The following SPECC1 variants were observed in gnomAD, a reference collection of about 807,000 sequenced individuals.
SPECC1 encodes cytospin-B.
In SPECC1, 62 loss-of-function variants were observed where a neutral mutation model predicts 104.1. The observed-to-expected ratio is 0.60, with a 90% CI of 0.49 to 0.74. The LOEUF (loss-of-function observed/expected upper bound fraction) is 0.74, where lower values mean the gene tolerates loss of function less well. Ranked by LOEUF, SPECC1 falls within the 30% of genes least tolerant of loss-of-function variation. The probability of loss-of-function intolerance (pLI) is 0.00; values close to 1 mark genes in which losing one functional copy is unlikely to be tolerated. For synonymous variants in SPECC1, 513 were observed against 501.6 expected, an observed-to-expected ratio of 1.02 and a Z score of -0.30; for missense variants, 1,306 against 1,310.5, an observed-to-expected ratio of 1.00 and a Z score of 0.05.
chr17:20,044,305 A>G (rs2045451083), intron 1 of SPECC1, among the ~76,000 whole-genome samples: 1 of 152,184 alleles, frequency 6.6e-6, no homozygotes, highest in Non-Finnish European at 1.5e-5. Context: ...AGGTAGTGGT[A>G]AAGTATGGGT....
intron 1 of SPECC1, among the ~76,000 whole-genome samples, chr17:20,081,940 C>T (rs1287009055): frequency 6.6e-6 from 1 of 152,200 alleles, no homozygotes; most frequent in East Asian, 1.9e-4. Context: ...GCTGGCCGTT[C>T]AGACTCCTGC....
At chr17:20,258,322 G>T (rs2039906193) in intron 11 of SPECC1, among the ~76,000 whole-genome samples, 1 of 152,156 alleles carries the variant, frequency 6.6e-6, no homozygotes, top group Admixed American at 6.5e-5. Flanking sequence ...AGAGGGAGAG[G>T]ATGGCAAGAC....
intron 3 of SPECC1, among the ~76,000 whole-genome samples, chr17:20,192,361 C>G (rs760158704): frequency 5.3e-5 from 8 of 152,002 alleles, no homozygotes; most frequent in Non-Finnish European, 1.0e-4. Flanking sequence ...CACATATTTT[C>G]TCCCAGCCTG....
intron 3 of SPECC1, among the ~76,000 whole-genome samples, chr17:20,163,063 A>G (rs1240389783): frequency 6.6e-6 from 1 of 152,232 alleles, no homozygotes; most frequent in African/African-American, 2.4e-5. Context: ...GCATACATCA[A>G]ATATCAATGG....
intron 3 of SPECC1, among the ~76,000 whole-genome samples, chr17:20,169,244 C>T (rs540974695): frequency 1.3e-5 from 2 of 152,162 alleles, no homozygotes; most frequent in Non-Finnish European, 2.9e-5. Flanking sequence ...AAGAAGTGTG[C>T]AAGGCCTCTG....
intron 7 of SPECC1, among the ~76,000 whole-genome samples, chr17:20,233,575 T>C (rs2038729284): frequency 6.6e-6 from 1 of 152,238 alleles, no homozygotes; most frequent in Non-Finnish European, 1.5e-5. Context: ...GGTCTCACTA[T>C]GTTGCCCAGG....
At chr17:20,204,235 GCCAC>G in intron 3 of SPECC1, 94 bp from the exon 4 acceptor site, 1 of 1,396,370 alleles carries the variant, frequency 7.2e-7, no homozygotes, top group South Asian at 1.4e-5. Context: ...AAGAGCGACA[GCCAC>G]TGTCCACTGT....
intron 1 of SPECC1, among the ~76,000 whole-genome samples, chr17:20,036,279 G>A (rs970594132): frequency 6.6e-6 from 1 of 152,000 alleles, no homozygotes; most frequent in Non-Finnish European, 1.5e-5. Context: ...ACAGGTGCAC[G>A]CCACCACATC....
intron 1 of SPECC1, among the ~76,000 whole-genome samples, chr17:20,078,227 G>A (rs533707387): frequency 2.0e-5 from 3 of 151,286 alleles, no homozygotes; most frequent in South Asian, 4.2e-4. Flanking sequence ...CGTTTGAGTT[G>A]CATATGCAAA....
chr17:20,047,534 T>C (rs1226777421), intron 1 of SPECC1, among the ~76,000 whole-genome samples: 2 of 152,230 alleles, frequency 1.3e-5, no homozygotes, highest in African/African-American at 4.8e-5. Context: ...TTTCTTTTCC[T>C]GTGCCATTTG....
intron 2 of SPECC1, among the ~76,000 whole-genome samples, chr17:20,099,562 G>C (rs2047826744): frequency 6.7e-6 from 1 of 149,488 alleles, no homozygotes; most frequent in Non-Finnish European, 1.5e-5. Context: ...GGGCGTGGTG[G>C]CATAGTCCTG....
At chr17:20,231,679 C>G (rs1038343499) in intron 5 of SPECC1, 79 bp from the exon 6 acceptor site, 5 of 1,324,218 alleles carry the variant, frequency 3.8e-6, no homozygotes, top group Non-Finnish European at 5.4e-6. Context: ...TGGAGCTGCC[C>G]CTTTCTTTGC....
At chr17:20,071,209 C>T (rs1168503842) in intron 1 of SPECC1, among the ~76,000 whole-genome samples, 3 of 152,146 alleles carry the variant, frequency 2.0e-5, no homozygotes, top group African/African-American at 7.2e-5. Flanking sequence ...CTAAAACAAT[C>T]CATTCTTTAT....
At chr17:20,170,520 A>T (rs1209915957) in intron 3 of SPECC1, among the ~76,000 whole-genome samples, 3 of 151,970 alleles carry the variant, frequency 2.0e-5, no homozygotes, top group African/African-American at 7.3e-5. Context: ...AGCCAGTGGA[A>T]CTCCCAGGGG....
chr17:20,281,529 T>C (rs1408004885), intron 12 of SPECC1, among the ~76,000 whole-genome samples: 1 of 152,190 alleles, frequency 6.6e-6, no homozygotes, highest in African/African-American at 2.4e-5. Context: ...GTGTGGACTC[T>C]ACTCCCAGCC....
Position 20,316,710 on chromosome 17 carries a change from T to G in SPECC1, c.*2645T>G, listed in dbSNP as rs1008185482. ...TTTTGTTGTTGTTTGTTTGTTTTTT[T>G]TTTTGAGACAGAGTCTTGCTCTGTC... On this transcript the variant is annotated 3_prime_UTR_variant, in exon 15 of 15. Transcript: ENST00000395527. 2.2e-4 allele frequency: 42 copies of G among 191,528 alleles called. No individual in the cohort carries two copies. Among genetic ancestry groups the G allele is most frequent in the African/African-American group, 8.4e-4 (36 of 42,838 alleles). 11.9% of individuals were successfully genotyped at this position (191,528 alleles called of 1,614,324 possible).
intron 12 of SPECC1, chr17:20,290,393 G>C (rs2041123715): frequency 6.7e-6 from 1 of 150,050 alleles, no homozygotes; most frequent in East Asian, 1.9e-4. Flanking sequence ...CCAGGCTGGT[G>C]TGATCATGGC....
chr17:20,075,708 G>A (rs963641275), intron 1 of SPECC1, among the ~76,000 whole-genome samples: 1 of 152,076 alleles, frequency 6.6e-6, no homozygotes, highest in African/African-American at 2.4e-5. Flanking sequence ...CATTTTGGGA[G>A]GCTGAAACAG....
intron 7 of SPECC1, among the ~76,000 whole-genome samples, chr17:20,241,614 C>T (rs1162357824): frequency 6.6e-6 from 1 of 152,184 alleles, no homozygotes; most frequent in Non-Finnish European, 1.5e-5. Context: ...TACTCGACTA[C>T]AGGACTTTTA....
Sources: gnomAD v4.1 joint callset for allele counts (sites outside exome capture counted in the v4.1 genomes callset) on GRCh38, gnomAD v4.1.1 for gene constraint, MANE v1.5 for transcripts, NCBI Gene and HGNC (gene_info 2026-07-23, HGNC 2026-07-21) for gene names.